ADGRL4: variants seen among roughly 807,000 people sequenced by gnomAD.
The protein encoded by ADGRL4 is adhesion G protein-coupled receptor L4.
ADGRL4 carries 90 observed loss-of-function variants against 74.8 expected under a neutral mutation model. The observed-to-expected ratio is 1.20, with a 90% confidence interval of 1.02 to 1.43. The LOEUF is 1.43. ADGRL4 is among the 40% of genes most tolerant of loss of function. The pLI is 0.00. For synonymous variants in ADGRL4, 311 were observed against 279.2 expected (o/e 1.11, Z -1.14); for missense variants, 881 against 814.3 (o/e 1.08, Z -1.00).
chr1:78,924,967 T>C (rs560916985), intron 8 of ADGRL4, among the ~76,000 whole-genome samples: 1 of 152,224 alleles, frequency 6.6e-6, no homozygotes, highest in South Asian at 2.1e-4. Context: ...TTATTAATTT[T>C]TGGTTTTTTG....
intron 3 of ADGRL4, among the ~76,000 whole-genome samples, chr1:78,943,724 G>A (rs953902226): frequency 5.3e-5 from 8 of 152,230 alleles, no homozygotes; most frequent in East Asian, 1.9e-4. Flanking sequence ...ATTGTGCAAC[G>A]AAAATTACTG....
chr1:78,938,035 C>T, intron 5 of ADGRL4, 45 bp from the exon 6 acceptor site: 1 of 1,604,690 alleles, frequency 6.2e-7, no homozygotes, highest in Non-Finnish European at 8.5e-7. Context: ...GAATCCTACA[C>T]TATTCACAAA....
intron 12 of ADGRL4, among the ~76,000 whole-genome samples, chr1:78,897,721 A>T (rs1466124876): frequency 6.6e-6 from 1 of 152,208 alleles, no homozygotes; most frequent in East Asian, 1.9e-4. Flanking sequence ...TTCATTACTC[A>T]AAATTTCCTG....
intron 2 of ADGRL4, among the ~76,000 whole-genome samples, chr1:78,949,072 G>A (rs1467919273): frequency 1.3e-5 from 2 of 152,044 alleles, no homozygotes; most frequent in African/African-American, 2.4e-5. Context: ...TTGGCTCTCA[G>A]ATCAGTTATT....
chr1:78,927,175 A>G lies in ADGRL4; in HGVS notation c.878-84T>C, dbSNP rs1649135287. The G allele has an allele frequency of 4.5e-6, 4 of 885,490 alleles. No individual in the cohort carries two copies. The Admixed American group carries it at 9.9e-5, about 22-fold the overall frequency. The allele number at this position is 885,490 out of a possible 1,614,324, so 54.9% of individuals were successfully genotyped here. A position where few individuals can be genotyped will look rare whatever the true frequency, so the allele number is the denominator to read the frequency against. ...CTTAAGATAAACATAAAAATTGAATAGACAAACATTTTACTTTAGAAATTT... is the reference window on the plus strand; with the variant it reads ...CTTAAGATAAACATAAAAATTGAATGGACAAACATTTTACTTTAGAAATTT... On this transcript the variant is annotated intron_variant, in intron 7 of 14. Coordinates refer to ENST00000370742, the MANE Select transcript of ADGRL4 (RefSeq NM_022159.4).
intron 2 of ADGRL4, among the ~76,000 whole-genome samples, chr1:78,971,302 A>C (rs1224620731): frequency 2.6e-5 from 4 of 151,998 alleles, no homozygotes; most frequent in Non-Finnish European, 5.9e-5. Context: ...TTATACTTTA[A>C]GTTTTAGGAT....
chr1:78,965,105 C>T (rs1650028622), intron 2 of ADGRL4, among the ~76,000 whole-genome samples: 1 of 151,922 alleles, frequency 6.6e-6, no homozygotes, highest in Admixed American at 6.6e-5. Flanking sequence ...ATATAGAAAT[C>T]CTTTTGATGC....
rs1175170062 is a variant in ADGRL4 at position 78,921,668 on chromosome 1, C to T, written c.1202G>A (p.Cys401Tyr). ...LTYSNETHTS[C>Y]RCNHLTHFAI... ...AAAATGTGTCAGGTGATTACAGCGG[C>T]ATGAGGTGTGGGTCTCATTTGAGTA... is the stretch of plus-strand genomic sequence containing the variant. The change falls in exon 9 of 15, where the codon TGC (cysteine) becomes TAC (tyrosine). Residue 401 changes from cysteine to tyrosine, a missense_variant. Transcript: ENST00000370742. The T allele has an allele frequency of 6.3e-7, 1 of 1,598,602 alleles. No homozygotes were observed. Among genetic ancestry groups the T allele is most frequent in the Non-Finnish European group, 8.5e-7 (1 of 1,172,610 alleles).
At chr1:78,926,749 A>G in intron 8 of ADGRL4, 137 bp downstream of exon 8, 2 of 629,728 alleles carry the variant, frequency 3.2e-6, no homozygotes, top group Non-Finnish European at 5.3e-6. Context: ...AAAATTAGTT[A>G]AAACTACTTC....
At chr1:78,910,666 A>AT (rs1389514364) in intron 12 of ADGRL4, among the ~76,000 whole-genome samples, 5 of 151,822 alleles carry the variant, frequency 3.3e-5, no homozygotes, top group African/African-American at 1.2e-4. Flanking sequence ...AGAATTGAGC[A>AT]TTGAAGATTA....
chr1:78,957,648 A>C (rs1649863353), intron 2 of ADGRL4, among the ~76,000 whole-genome samples: 1 of 152,216 alleles, frequency 6.6e-6, no homozygotes. Flanking sequence ...AGGTCGGTTC[A>C]TGAGGTTTAA....
At chr1:78,981,696 A>G in intron 2 of ADGRL4, among the ~76,000 whole-genome samples, 1 of 151,874 alleles carries the variant, frequency 6.6e-6, no homozygotes, top group East Asian at 1.9e-4. Context: ...GAAATAAATA[A>G]AGTTCTATTT....
At chr1:78,942,160 C>T (rs908652944) in intron 3 of ADGRL4, among the ~76,000 whole-genome samples, 15 of 114,272 alleles carry the variant, frequency 1.3e-4, no homozygotes, top group African/African-American at 4.5e-4. Flanking sequence ...GGTGACAGAG[C>T]GAGACTCCGT....
intron 2 of ADGRL4, among the ~76,000 whole-genome samples, chr1:79,003,038 C>G (rs1158218205): frequency 6.6e-6 from 1 of 151,848 alleles, no homozygotes; most frequent in Non-Finnish European, 1.5e-5. Context: ...AAAAAGAAAA[C>G]AAATTCGATT....
At chr1:79,006,415 A>G (rs909454596) in intron 1 of ADGRL4, among the ~76,000 whole-genome samples, 1 of 152,184 alleles carries the variant, frequency 6.6e-6, no homozygotes, top group Non-Finnish European at 1.5e-5. Flanking sequence ...CACTTCCTCA[A>G]GAGGAATAAA....
intron 2 of ADGRL4, among the ~76,000 whole-genome samples, chr1:78,965,798 C>T (rs1054528205): frequency 9.2e-5 from 14 of 152,042 alleles, no homozygotes; most frequent in Non-Finnish European, 1.8e-4. Context: ...AAAGTACAGA[C>T]ATCTTAAGTC....
At chr1:78,928,871 G>T (rs1649175533) in intron 7 of ADGRL4, among the ~76,000 whole-genome samples, 1 of 151,364 alleles carries the variant, frequency 6.6e-6, no homozygotes, top group Non-Finnish European at 1.5e-5. Context: ...GAAAACTACT[G>T]GGGTGACAGG....
intron 12 of ADGRL4, among the ~76,000 whole-genome samples, chr1:78,903,923 A>T (rs1648570512): frequency 6.7e-6 from 1 of 149,598 alleles, no homozygotes; most frequent in African/African-American, 2.5e-5. Context: ...TGACACAGCG[A>T]GACTCCATAT....
At chr1:78,950,704 T>A (rs1302441024) in intron 2 of ADGRL4, among the ~76,000 whole-genome samples, 3 of 152,204 alleles carry the variant, frequency 2.0e-5, no homozygotes, top group Non-Finnish European at 4.4e-5. Flanking sequence ...TTCTGTATTT[T>A]AAATTTTTCA....
Sources: allele counts gnomAD v4.1 joint callset (sites outside exome capture counted in the v4.1 genomes callset), GRCh38; gene constraint gnomAD v4.1.1; transcripts MANE v1.5; gene names NCBI Gene and HGNC (gene_info 2026-07-23, HGNC 2026-07-21).